The following CNBD1 variants were observed in gnomAD, a reference collection of about 807,000 sequenced individuals.
CNBD1 encodes cyclic nucleotide-binding domain-containing protein 1.
Under a neutral mutation model 54.4 loss-of-function variants are expected in CNBD1, and 71 were observed. The observed-to-expected ratio is 1.30, with a 90% CI of 1.08 to 1.59. The LOEUF is 1.59. CNBD1 is among the 40% of genes most tolerant of loss of function. CNBD1 has a pLI of 0.00. For missense variants in CNBD1, 659 were observed against 518.0 expected (o/e 1.27, Z -2.64); for synonymous variants, 182 against 170.7 (o/e 1.07, Z -0.51).
chr8:86,889,869 A>T (rs545870061), intron 2 of CNBD1, among the ~76,000 whole-genome samples: 1 of 152,118 alleles, frequency 6.6e-6, no homozygotes, highest in African/African-American at 2.4e-5. Context: ...TGATGATTCA[A>T]AAAAATGTAC....
At chr8:87,156,962 A>T (rs1812755357) in intron 4 of CNBD1, among the ~76,000 whole-genome samples, 1 of 152,192 alleles carries the variant, frequency 6.6e-6, no homozygotes, top group Non-Finnish European at 1.5e-5. Flanking sequence ...CAGATTGATT[A>T]TTAAATAAAT....
chr8:87,022,029 A>G (rs1187714168), intron 4 of CNBD1, among the ~76,000 whole-genome samples: 3 of 152,224 alleles, frequency 2.0e-5, no homozygotes, highest in Admixed American at 2.0e-4. Context: ...TAAATAGCAT[A>G]CCCATGTTTG....
chr8:87,385,805 G>A (rs189093758), downstream of CNBD1, among the ~76,000 whole-genome samples: 2,305 of 152,236 alleles, frequency 0.015, 60 homozygotes, highest in African/African-American at 0.049. Flanking sequence ...ATCTGAGAAC[G>A]GACAGACTGC....
At chr8:87,361,623 AT>A (rs1810525539) in intron 10 of CNBD1, among the ~76,000 whole-genome samples, 1 of 151,372 alleles carries the variant, frequency 6.6e-6, no homozygotes, top group Non-Finnish European at 1.5e-5. Context: ...CAAAGTATAG[AT>A]TTTGCATATA....
chr8:87,371,101 A>G (rs1200559625), intron 10 of CNBD1, among the ~76,000 whole-genome samples: 3 of 151,522 alleles, frequency 2.0e-5, no homozygotes, highest in Non-Finnish European at 4.4e-5. Context: ...CTGTTTTGGT[A>G]CCAGTACCAT....
rs1017932668 is a variant in CNBD1 at position 86,907,967 on chromosome 8, G to T, written c.272+2773G>T. On this transcript the variant is annotated intron_variant, in intron 3 of 10. Transcript: ENST00000518476. ...TCAACAATATTTACCTGTTATCATT[G>T]TCATATATTTAACACTGTAATTCAT... Among the ~76,000 whole-genome samples the T allele has an allele frequency of 3.9e-5, 6 of 152,152 alleles. No individual in the cohort carries two copies. In the East Asian group the frequency reaches 1.2e-3, roughly 29 times the overall value.
intron 8 of CNBD1, among the ~76,000 whole-genome samples, chr8:87,311,951 G>A (rs2130891399): frequency 6.6e-6 from 1 of 152,118 alleles, no homozygotes; most frequent in Middle Eastern, 3.4e-3. Flanking sequence ...CCAGAGTGGG[G>A]AGGGAGAGAG....
At chr8:87,236,073 G>T (rs1807579093) in intron 5 of CNBD1, among the ~76,000 whole-genome samples, 1 of 151,950 alleles carries the variant, frequency 6.6e-6, no homozygotes, top group African/African-American at 2.4e-5. Context: ...AAAATGATTG[G>T]CCCTGAAAAT....
chr8:87,343,069 G>T (rs1004270515), intron 8 of CNBD1, among the ~76,000 whole-genome samples: 1 of 152,070 alleles, frequency 6.6e-6, no homozygotes, highest in Non-Finnish European at 1.5e-5. Flanking sequence ...CTTCCCCAGG[G>T]TTATTCCTTG....
chr8:87,377,015 T>A (rs981649480), intron 10 of CNBD1, among the ~76,000 whole-genome samples: 3 of 149,152 alleles, frequency 2.0e-5, no homozygotes, highest in Non-Finnish European at 4.5e-5. Flanking sequence ...TAAATTTATT[T>A]TTTTTCTTTT....
intron 4 of CNBD1, among the ~76,000 whole-genome samples, chr8:87,069,792 A>G (rs1323548832): frequency 1.3e-5 from 2 of 152,102 alleles, no homozygotes; most frequent in Non-Finnish European, 2.9e-5. Flanking sequence ...TAAATTTCAT[A>G]TGGGCATATA....
At chr8:87,384,314 T>G (rs1811143157), downstream of CNBD1, among the ~76,000 whole-genome samples, 1 of 152,110 alleles carries the variant, frequency 6.6e-6, no homozygotes, top group South Asian at 2.1e-4. Flanking sequence ...GAACTGAGAA[T>G]AAAATACTGA....
chr8:86,868,221 T>G lies in CNBD1; in HGVS notation c.88+1638T>G, dbSNP rs1808391390. Among the ~76,000 whole-genome samples the G allele has an allele frequency of 2.0e-5, 3 of 152,186 alleles. No individual in the cohort carries two copies. The South Asian group carries it at 6.2e-4, about 31-fold the overall frequency. The stretch of plus-strand genomic sequence containing the variant: ...AGTGGGCATAAATAGGAATGCACAT[T>G]TACATACCTAAAAAGAAAATCCAGC... On this transcript the variant is annotated intron_variant, in intron 1 of 10. Transcript: ENST00000518476.
At chr8:86,981,470 T>A (rs965943780) in intron 4 of CNBD1, among the ~76,000 whole-genome samples, 1 of 152,198 alleles carries the variant, frequency 6.6e-6, no homozygotes, top group African/African-American at 2.4e-5. Flanking sequence ...CTATAATTTA[T>A]ATAAAGTGAA....
chr8:87,379,916 A>C (rs1811039790), intron 10 of CNBD1, among the ~76,000 whole-genome samples: 1 of 151,012 alleles, frequency 6.6e-6, no homozygotes, highest in Non-Finnish European at 1.5e-5. Context: ...AGAAATACTT[A>C]AATATGACCA....
intron 6 of CNBD1, among the ~76,000 whole-genome samples, chr8:87,265,992 A>T (rs1808248117): frequency 6.6e-6 from 1 of 152,146 alleles, no homozygotes; most frequent in Non-Finnish European, 1.5e-5. Context: ...TTAAGTAGCT[A>T]TACAAAAGAT....
intron 8 of CNBD1, among the ~76,000 whole-genome samples, chr8:87,305,050 T>A (rs1809112075): frequency 6.6e-6 from 1 of 152,118 alleles, no homozygotes; most frequent in Non-Finnish European, 1.5e-5. Flanking sequence ...GATATAAGAA[T>A]TCATAAGTTT....
intron 8 of CNBD1, among the ~76,000 whole-genome samples, chr8:87,307,986 G>T (rs764627752): frequency 6.6e-6 from 1 of 151,980 alleles, no homozygotes; most frequent in Non-Finnish European, 1.5e-5. Context: ...CCAATCCTTT[G>T]TTCTTTTTTC....
intron 4 of CNBD1, among the ~76,000 whole-genome samples, chr8:86,994,725 C>T (rs1007507745): frequency 2.0e-5 from 3 of 151,834 alleles, no homozygotes; most frequent in Admixed American, 6.6e-5. Context: ...TCTCTTCAGC[C>T]TCAATGTGTG....
Sources: allele counts gnomAD v4.1 joint callset (sites outside exome capture counted in the v4.1 genomes callset), GRCh38; gene constraint gnomAD v4.1.1; transcripts MANE v1.5; gene names NCBI Gene and HGNC (gene_info 2026-07-23, HGNC 2026-07-21).